Variants in SRPK2 observed in about 807,000 individuals in gnomAD.
SRPK2 encodes the protein SRSF protein kinase 2, also known as SFRS protein kinase 2.
A neutral mutation model predicts 90.8 loss-of-function variants in SRPK2; 21 were observed. The ratio of observed to expected loss-of-function variants is 0.23; its 90% CI spans 0.16 to 0.33. SRPK2 has a LOEUF of 0.33. Among genes scored for constraint, SRPK2 ranks in the 10% least tolerant of loss-of-function variants. The probability of loss-of-function intolerance (pLI) is 1.00; values close to 1 mark genes in which losing one functional copy is unlikely to be tolerated. For synonymous variants in SRPK2, 288 were observed against 311.1 expected (o/e 0.93, Z 0.78); for missense variants, 620 against 869.0 (o/e 0.71, Z 3.60).
intron 11 of SRPK2, among the ~76,000 whole-genome samples, chr7:105,138,355 G>A (rs990132529): frequency 3.9e-5 from 6 of 152,154 alleles, no homozygotes; most frequent in African/African-American, 7.2e-5. Context: ...TGGCCAGCAG[G>A]AGCAGAGGGG....
chr7:105,157,822 T>G (rs1179220128), intron 7 of SRPK2, among the ~76,000 whole-genome samples: 2 of 151,996 alleles, frequency 1.3e-5, no homozygotes, highest in Admixed American at 6.6e-5. Flanking sequence ...CCTAGCAACT[T>G]TGGGAGGCTG....
At chr7:105,120,752 C>A (rs547817021) in intron 15 of SRPK2, among the ~76,000 whole-genome samples, 1 of 151,948 alleles carries the variant, frequency 6.6e-6, no homozygotes, top group Non-Finnish European at 1.5e-5. Context: ...ATTATGTGTG[C>A]AAACCCTTAA....
In SRPK2 at chr7:105,117,802, A is replaced by AC; in HGVS notation, c.*35_*36insG. ...CGTTTAGGTCCAATGTACTGGGAAC[A>AC]TTTGCTAGCTCAGAATGCAATATTG... On this transcript the variant is annotated 3_prime_UTR_variant, in exon 16 of 16. Transcript: ENST00000393651. 6.2e-7 allele frequency: 1 copy of AC among 1,608,204 alleles called. No homozygotes were observed. The highest frequency in any genetic ancestry group is 8.5e-7 in the Non-Finnish European group (1 of 1,176,794).
chr7:105,120,170 C>T (rs1800129418), intron 15 of SRPK2, among the ~76,000 whole-genome samples: 1 of 152,200 alleles, frequency 6.6e-6, no homozygotes, highest in South Asian at 2.1e-4. Context: ...TGTGACTAAA[C>T]CAAGTTCTCT....
intron 15 of SRPK2, among the ~76,000 whole-genome samples, chr7:105,119,793 C>G (rs546989825): frequency 2.6e-5 from 4 of 152,294 alleles, no homozygotes; most frequent in African/African-American, 7.2e-5. Flanking sequence ...TTGCACCACC[C>G]CAAATTCATG....
At chr7:105,159,018 C>A (rs1004304091) in intron 7 of SRPK2, among the ~76,000 whole-genome samples, 10 of 152,030 alleles carry the variant, frequency 6.6e-5, no homozygotes, top group Non-Finnish European at 1.2e-4. Context: ...TAAGGGCAAA[C>A]AGATACAGTA....
chr7:105,131,036 T>C (rs1848584000), intron 13 of SRPK2, among the ~76,000 whole-genome samples: 1 of 152,212 alleles, frequency 6.6e-6, no homozygotes, highest in African/African-American at 2.4e-5. Flanking sequence ...GTTCATCTAA[T>C]GGAAGGCAGG....
chr7:105,232,252 GGAGTTCGA>G (rs1243567930), intron 2 of SRPK2, among the ~76,000 whole-genome samples: 1 of 152,128 alleles, frequency 6.6e-6, no homozygotes, highest in Non-Finnish European at 1.5e-5. Context: ...CCTGAAGTCA[GGAGTTCGA>G]GACCAGCCTC....
At chr7:105,340,113 T>C (rs1362659267) in intron 2 of SRPK2, among the ~76,000 whole-genome samples, 2 of 151,752 alleles carry the variant, frequency 1.3e-5, no homozygotes, top group Non-Finnish European at 2.9e-5. Context: ...CGATAGTCAT[T>C]ATATGCTTCA....
intron 2 of SRPK2, among the ~76,000 whole-genome samples, chr7:105,315,121 A>C (rs1812172541): frequency 6.6e-6 from 1 of 152,194 alleles, no homozygotes; most frequent in South Asian, 2.1e-4. Flanking sequence ...ATTTTTAAAA[A>C]ATAGAAAACT....
Position 105,208,954 on chromosome 7 carries a change from T to C in SRPK2, c.72-5169A>G, listed in dbSNP as rs1294796034. On this transcript the variant is annotated intron_variant, in intron 2 of 15. Coordinates refer to ENST00000393651, the MANE Select transcript of SRPK2 (RefSeq NM_182692.3). ...CTGGGCAACACAGCAAGACCTCATC[T>C]CTACAAAAACAACAATAAATTTTTA... Among the ~76,000 whole-genome samples the C allele has an allele frequency of 2.7e-5, 4 of 150,762 alleles. No individual in the cohort carries two copies. In the East Asian group the frequency reaches 8.0e-4, roughly 30 times the overall value.
intron 2 of SRPK2, among the ~76,000 whole-genome samples, chr7:105,359,309 C>T (rs1029321307): frequency 2.6e-5 from 4 of 151,932 alleles, no homozygotes; most frequent in African/African-American, 9.7e-5. Flanking sequence ...CAAGCGCATG[C>T]CACCATGTCC....
intron 8 of SRPK2, 115 bp from the exon 9 acceptor site, chr7:105,145,423 CAA>C: frequency 1.5e-6 from 1 of 646,878 alleles, no homozygotes; most frequent in Non-Finnish European, 2.5e-6. Context: ...TATCCAACTT[CAA>C]AAACTATTAA....
At chr7:105,169,408 T>A (rs1790515310) in intron 3 of SRPK2, 143 bp from the exon 4 acceptor site, 1 of 636,646 alleles carries the variant, frequency 1.6e-6, no homozygotes, top group Admixed American at 3.0e-5. Context: ...TAATACAACA[T>A]TTTTTTCAGG....
intron 2 of SRPK2, among the ~76,000 whole-genome samples, chr7:105,300,116 C>A (rs894649358): frequency 6.6e-6 from 1 of 151,652 alleles, no homozygotes; most frequent in Non-Finnish European, 1.5e-5. Context: ...AGATACAATA[C>A]ATGGCGTGCA....
chr7:105,168,204 G>A (rs1240040399), intron 4 of SRPK2, 109 bp from the exon 5 acceptor site: 8 of 850,480 alleles, frequency 9.4e-6, no homozygotes, highest in African/African-American at 5.2e-5. Context: ...TCCAAAATGC[G>A]CCAAAACCTA....
At chr7:105,167,336 T>A (rs1790206588) in intron 6 of SRPK2, 41 bp downstream of exon 6, 1 of 1,536,016 alleles carries the variant, frequency 6.5e-7, no homozygotes, top group African/African-American at 1.4e-5. Context: ...TTTCATTTTT[T>A]AAAAGGTAAA....
intron 2 of SRPK2, among the ~76,000 whole-genome samples, chr7:105,364,048 G>C (rs1664363158): frequency 1.3e-5 from 2 of 151,476 alleles, no homozygotes; most frequent in African/African-American, 4.9e-5. Flanking sequence ...GTGGGGGGCT[G>C]GGAGAGGGAT....
Position 105,240,131 on chromosome 7 carries a change from C to CG in SRPK2, c.72-36347dup, listed in dbSNP as rs1800622731. ...GGCTGGAAGTCCAAGATCAATGTGC[C>CG]GACAGACTGATTCTGGTGAGGGCTG... On this transcript the variant is annotated intron_variant, in intron 2 of 15. Transcript: ENST00000393651. Among the ~76,000 whole-genome samples, 4 of 152,188 alleles carry CG rather than the reference C, an allele frequency of 2.6e-5. No homozygotes were observed. In the South Asian group the frequency reaches 6.2e-4, roughly 24 times the overall value.
Sources: allele counts gnomAD v4.1 joint callset (sites outside exome capture counted in the v4.1 genomes callset), GRCh38; gene constraint gnomAD v4.1.1; transcripts MANE v1.5; gene names NCBI Gene and HGNC (gene_info 2026-07-23, HGNC 2026-07-21).